CDK6: variants seen among roughly 807,000 people sequenced by gnomAD.
The protein encoded by CDK6 is cyclin-dependent kinase 6.
In CDK6, 6 loss-of-function variants were observed where a neutral mutation model predicts 37.1. The observed-to-expected ratio is 0.16, with a 90% CI of 0.09 to 0.32. The LOEUF (loss-of-function observed/expected upper bound fraction) is 0.32. CDK6 is among the 10% of genes least tolerant of loss of function. The pLI is 1.00. For missense variants in CDK6, 224 were observed against 418.9 expected (o/e 0.53, Z 4.06); for synonymous variants, 160 against 161.3 (o/e 0.99, Z 0.06).
At chr7:92,768,446 T>G (rs1380050395) in intron 3 of CDK6, among the ~76,000 whole-genome samples, 2 of 152,248 alleles carry the variant, frequency 1.3e-5, no homozygotes, top group African/African-American at 2.4e-5. Context: ...TAAAGAGACT[T>G]TATTGAACAG....
chr7:92,641,581 T>C (rs547748371), intron 5 of CDK6, among the ~76,000 whole-genome samples: 5 of 152,338 alleles, frequency 3.3e-5, no homozygotes, highest in South Asian at 2.1e-4. Flanking sequence ...ACAACAACCA[T>C]GTATATTTTT....
intron 3 of CDK6, among the ~76,000 whole-genome samples, chr7:92,740,665 C>A (rs1015405449): frequency 6.6e-6 from 1 of 152,154 alleles, no homozygotes; most frequent in Non-Finnish European, 1.5e-5. Flanking sequence ...TTTTTCTCAG[C>A]AACCCCTTGA....
At chr7:92,686,238 T>C (rs949787763) in intron 4 of CDK6, among the ~76,000 whole-genome samples, 6 of 152,176 alleles carry the variant, frequency 3.9e-5, no homozygotes, top group African/African-American at 7.2e-5. Context: ...ATCACTTGAG[T>C]AGTGTACACT....
intron 2 of CDK6, among the ~76,000 whole-genome samples, chr7:92,783,660 C>T (rs138063558): frequency 6.6e-6 from 1 of 152,234 alleles, no homozygotes; most frequent in African/African-American, 2.4e-5. Context: ...AAATGTTTTA[C>T]ATGTGGAATG....
At chr7:92,807,183 G>A (rs1353721628) in intron 2 of CDK6, among the ~76,000 whole-genome samples, 1 of 152,010 alleles carries the variant, frequency 6.6e-6, no homozygotes, top group Non-Finnish European at 1.5e-5. Flanking sequence ...ACCCTTCCAT[G>A]ATATTTTTAA....
At position 92,609,965 on chromosome 7, in the gene CDK6, T is replaced by G. The variant is rs1325810923; in HGVS notation, c.*5175A>C. On this transcript the variant is annotated 3_prime_UTR_variant, in exon 8 of 8. Coordinates refer to ENST00000424848, the MANE Select transcript of CDK6 (RefSeq NM_001145306.2). ...AAGTTACAGAACATTATAGAGACTA[T>G]TAATCATCCCAAAAAACAAGTGCTA... 4.3e-6 allele frequency: 1 copy of G among 230,118 alleles called. No individual in the cohort carries two copies. The highest frequency in any genetic ancestry group is 2.2e-5 in the African/African-American group (1 of 45,274). 14.3% of individuals were successfully genotyped at this position (230,118 alleles called of 1,614,324 possible).
chr7:92,744,555 G>C (rs1172161939), intron 3 of CDK6, among the ~76,000 whole-genome samples: 1 of 152,138 alleles, frequency 6.6e-6, no homozygotes, highest in East Asian at 1.9e-4. Flanking sequence ...ATCTGTTGCT[G>C]CTTCTTAGTA....
At chr7:92,656,351 A>T (rs946710644) in intron 5 of CDK6, among the ~76,000 whole-genome samples, 2 of 152,196 alleles carry the variant, frequency 1.3e-5, no homozygotes, top group Non-Finnish European at 2.9e-5. Context: ...TCAGACAGCC[A>T]CAGACCACTC....
intron 4 of CDK6, among the ~76,000 whole-genome samples, chr7:92,716,455 G>A (rs1798231259): frequency 6.6e-6 from 1 of 152,176 alleles, no homozygotes; most frequent in African/African-American, 2.4e-5. Context: ...ATGTACTCAA[G>A]TGCCCACCTC....
At chr7:92,624,902 T>A (rs1161381064) in intron 5 of CDK6, among the ~76,000 whole-genome samples, 2 of 152,064 alleles carry the variant, frequency 1.3e-5, no homozygotes, top group Non-Finnish European at 2.9e-5. Context: ...ACTGGAGATG[T>A]TACATGGCTT....
At chr7:92,700,587 A>G (rs889014655) in intron 4 of CDK6, among the ~76,000 whole-genome samples, 1 of 152,210 alleles carries the variant, frequency 6.6e-6, no homozygotes, top group African/African-American at 2.4e-5. Flanking sequence ...ACTTAGGATG[A>G]TATTCAGAAA....
chr7:92,719,162 G>A (rs1347535544), intron 4 of CDK6, among the ~76,000 whole-genome samples: 1 of 152,150 alleles, frequency 6.6e-6, no homozygotes, highest in Non-Finnish European at 1.5e-5. Flanking sequence ...CAGGGTACAT[G>A]TGCAGGATGT....
At position 92,608,815 on chromosome 7, in the gene CDK6, A is replaced by T. The variant is rs933633199; in HGVS notation, c.*6325T>A. ...GCCGCACATAATTTCAGGCACCGGC[A>T]GGTGAGTGGGAGGCGGGGCCCCAGC... On this transcript the variant is annotated 3_prime_UTR_variant, in exon 8 of 8. Coordinates refer to ENST00000424848, the MANE Select transcript of CDK6 (RefSeq NM_001145306.2). 1 of 231,728 alleles carries T rather than the reference A, an allele frequency of 4.3e-6. No individual in the cohort carries two copies. Among genetic ancestry groups the T allele is most frequent in the African/African-American group, 2.2e-5 (1 of 45,246 alleles). The allele number at this position is 231,728 out of a possible 1,614,324, so 14.4% of individuals were successfully genotyped here.
chr7:92,774,647 G>C (rs2115783347), intron 3 of CDK6, 49 bp downstream of exon 3: 1 of 1,504,612 alleles, frequency 6.6e-7, no homozygotes, highest in South Asian at 1.3e-5. Context: ...TTGCTTAACA[G>C]ACTATAATAG....
At chr7:92,814,555 C>CAAAAAAAAAAAAAAAAAAAAAAAAA (rs201939605) in intron 2 of CDK6, among the ~76,000 whole-genome samples, 1 of 70,042 alleles carries the variant, frequency 1.4e-5, no homozygotes, top group Non-Finnish European at 3.4e-5. Context: ...AACTGAATTG[C>CAAAAAAAAAAAAAAAAAAAAAAAAA]AAAAAAAAAA....
intron 3 of CDK6, among the ~76,000 whole-genome samples, chr7:92,734,205 T>C (rs977050247): frequency 1.3e-5 from 2 of 152,254 alleles, no homozygotes; most frequent in Non-Finnish European, 2.9e-5. Flanking sequence ...AGTAAAGTCG[T>C]GTCTTTTTAA....
intron 5 of CDK6, among the ~76,000 whole-genome samples, chr7:92,626,915 A>G (rs1795940927): frequency 1.3e-5 from 2 of 152,128 alleles, no homozygotes; most frequent in South Asian, 4.1e-4. Flanking sequence ...ATTTCACTGA[A>G]ATTGGAGAAT....
intron 2 of CDK6, among the ~76,000 whole-genome samples, chr7:92,831,374 T>C (rs1356481291): frequency 6.6e-6 from 1 of 152,220 alleles, no homozygotes; most frequent in Non-Finnish European, 1.5e-5. Context: ...TTCATTCATA[T>C]ACATGATAAG....
intron 6 of CDK6, among the ~76,000 whole-genome samples, chr7:92,619,318 A>G (rs765825345): frequency 2.6e-5 from 4 of 152,318 alleles, no homozygotes; most frequent in Non-Finnish European, 4.4e-5. Flanking sequence ...CATTGTATAG[A>G]TATTATTTAT....
Sources: gnomAD v4.1 joint callset for allele counts (sites outside exome capture counted in the v4.1 genomes callset) on GRCh38, gnomAD v4.1.1 for gene constraint, MANE v1.5 for transcripts, NCBI Gene and HGNC (gene_info 2026-07-23, HGNC 2026-07-21) for gene names.